The following CHODL variants were observed in gnomAD, a reference collection of about 807,000 sequenced individuals.
CHODL encodes transmembrane protein MT75.
CHODL carries 29 observed loss-of-function variants against 34.5 expected under a neutral mutation model. That is an observed-to-expected ratio of 0.84 (90% CI 0.63 to 1.15). The LOEUF (loss-of-function observed/expected upper bound fraction) is 1.15, where lower values mean the gene tolerates loss of function less well. CHODL is among the 50% of genes most tolerant of loss of function. CHODL has a pLI of 0.00. For synonymous variants in CHODL, 125 were observed against 116.1 expected, an observed-to-expected ratio of 1.08 and a Z score of -0.49; for missense variants, 332 against 332.5, an observed-to-expected ratio of 1.00 and a Z score of 0.01.
At chr21:18,126,453 T>C (rs2065545787) in intron 2 of CHODL, among the ~76,000 whole-genome samples, 2 of 152,242 alleles carry the variant, frequency 1.3e-5, no homozygotes, top group Non-Finnish European at 2.9e-5. Context: ...TTATTACGGT[T>C]GTCTACAACC....
At chr21:18,261,441 G>A (rs189939370) in intron 4 of CHODL, among the ~76,000 whole-genome samples, 1 of 152,152 alleles carries the variant, frequency 6.6e-6, no homozygotes, top group Non-Finnish European at 1.5e-5. Context: ...TGAGGCAGGT[G>A]GGTCACCTGA....
At position 18,250,740 on chromosome 21, in the gene CHODL, G is replaced by A. The variant is rs140234908; in HGVS notation, c.79+5438G>A. ...AACATATTTATCAGTGTGATTGTGA[G>A]GGGGGTAAGAAGAAATTATGAAAAA... On this transcript the variant is annotated intron_variant, in intron 1 of 5. Transcript: ENST00000299295. Among the ~76,000 whole-genome samples, 40 of 151,924 alleles carry A rather than the reference G, an allele frequency of 2.6e-4. 1 individual carries two copies. In the East Asian group the frequency reaches 7.5e-3, roughly 29 times the overall value.
intron 2 of CHODL, among the ~76,000 whole-genome samples, chr21:18,133,738 T>C (rs555709754): frequency 1.3e-5 from 2 of 152,270 alleles, no homozygotes; most frequent in East Asian, 3.9e-4. Flanking sequence ...ACTATATGTA[T>C]AACATATATG....
At chr21:18,015,360 A>C (rs1289165702) in intron 1 of CHODL, among the ~76,000 whole-genome samples, 1 of 152,064 alleles carries the variant, frequency 6.6e-6, no homozygotes, top group Non-Finnish European at 1.5e-5. Context: ...TTTGCCTTCC[A>C]CCATGATCGT....
chr21:17,953,356 A>C (rs889168542), intron 1 of CHODL, among the ~76,000 whole-genome samples: 1 of 152,170 alleles, frequency 6.6e-6, no homozygotes, highest in Non-Finnish European at 1.5e-5. Context: ...AGTCCTAGCT[A>C]TTCAGGAGGC....
At chr21:18,250,358 C>T (rs2074220130) in intron 1 of CHODL, among the ~76,000 whole-genome samples, 2 of 152,020 alleles carry the variant, frequency 1.3e-5, no homozygotes, top group Admixed American at 6.6e-5. Context: ...AGAAAGCTTA[C>T]GCATTTTCCA....
intron 2 of CHODL, among the ~76,000 whole-genome samples, chr21:18,181,645 T>C (rs902348833): frequency 9.2e-5 from 14 of 152,104 alleles, no homozygotes; most frequent in Non-Finnish European, 2.9e-5. Flanking sequence ...CTGCCTTGGC[T>C]TCCCAAAGTG....
intron 2 of CHODL, among the ~76,000 whole-genome samples, chr21:18,233,761 C>T (rs1311475073): frequency 6.6e-6 from 1 of 152,024 alleles, no homozygotes; most frequent in Non-Finnish European, 1.5e-5. Flanking sequence ...CCCTTTTCTT[C>T]TCCTCTAAAG....
intron 2 of CHODL, among the ~76,000 whole-genome samples, chr21:18,045,227 C>A (rs2064427332): frequency 1.3e-5 from 2 of 151,864 alleles, no homozygotes; most frequent in Admixed American, 1.3e-4. Context: ...AGATAAAATA[C>A]CCTGAGTGTG....
At chr21:18,263,453 T>C (rs1184604459) in intron 5 of CHODL, among the ~76,000 whole-genome samples, 1 of 152,170 alleles carries the variant, frequency 6.6e-6, no homozygotes, top group African/African-American at 2.4e-5. Context: ...TAAAATCCTA[T>C]ATTTTACCAG....
intron 2 of CHODL, among the ~76,000 whole-genome samples, chr21:18,076,034 A>G (rs2064861780): frequency 6.6e-6 from 1 of 152,204 alleles, no homozygotes; most frequent in Admixed American, 6.5e-5. Context: ...CAGAACTGAG[A>G]AAGATAAATT....
At chr21:17,967,513 C>G (rs928195918) in intron 1 of CHODL, among the ~76,000 whole-genome samples, 1 of 152,144 alleles carries the variant, frequency 6.6e-6, no homozygotes, top group African/African-American at 2.4e-5. Flanking sequence ...CAAATTGGGA[C>G]TCTAGATTTA....
rs59905100 is a variant in CHODL at position 18,128,154 on chromosome 21, AG to A, written c.-45+100184del. 8.6e-3 allele frequency among the ~76,000 whole-genome samples: 1,300 copies of A among 151,688 alleles called. 65 individuals carry two copies. In the East Asian group the frequency reaches 0.15, roughly 18 times the overall value. On this transcript the variant is annotated intron_variant, in intron 2 of 6. Transcript: ENST00000400127. ...TCTCTACTAAAAATACAAAAAAATT[AG>A]CTGGGCGTGGTGGCGGGCGCCTGTA...
intron 1 of CHODL, among the ~76,000 whole-genome samples, chr21:18,249,980 A>G (rs535690395): frequency 2.7e-4 from 41 of 152,292 alleles, no homozygotes; most frequent in Admixed American, 1.3e-4. Flanking sequence ...AGTCTATAAG[A>G]GGGACCTTTC....
At chr21:18,082,301 C>G (rs904766529) in intron 2 of CHODL, among the ~76,000 whole-genome samples, 1 of 152,164 alleles carries the variant, frequency 6.6e-6, no homozygotes, top group Non-Finnish European at 1.5e-5. Flanking sequence ...GTCATGCTTC[C>G]CATTAAGCCT....
At chr21:18,132,890 T>C (rs1482610325) in intron 2 of CHODL, among the ~76,000 whole-genome samples, 1 of 151,714 alleles carries the variant, frequency 6.6e-6, no homozygotes, top group Non-Finnish European at 1.5e-5. Flanking sequence ...GATAGTAGTA[T>C]GAAAAGAGAT....
At chr21:17,988,653 G>T (rs2063773846) in intron 1 of CHODL, among the ~76,000 whole-genome samples, 1 of 139,154 alleles carries the variant, frequency 7.2e-6, no homozygotes, top group Non-Finnish European at 1.5e-5. Flanking sequence ...GCAGTGTTTG[G>T]TTTTTTGTTC....
At chr21:18,077,157 G>A (rs2064876563) in intron 2 of CHODL, among the ~76,000 whole-genome samples, 1 of 152,140 alleles carries the variant, frequency 6.6e-6, no homozygotes, top group South Asian at 2.1e-4. Context: ...AGGCTTTGGA[G>A]CTACTTGGGA....
rs1229175985 is a variant in CHODL at position 18,245,258 on chromosome 21, C to G, written c.35C>G (p.Ala12Gly). 6.6e-7 allele frequency: 1 copy of G among 1,524,618 alleles called. No individual in the cohort carries two copies. Among genetic ancestry groups the G allele is most frequent in the Non-Finnish European group, 8.8e-7 (1 of 1,142,790 alleles). 94.4% of individuals were successfully genotyped at this position (1,524,618 alleles called of 1,614,324 possible). A position where few individuals can be genotyped will look rare whatever the true frequency, so the allele number is the denominator to read the frequency against. Reference protein sequence around the residue: ...SRVVSLLLGAALLCGHGAFCR... With the variant: ...SRVVSLLLGAGLLCGHGAFCR... ...GTGGTCTCGCTGCTGCTGGGCGCCG[C>G]GCTGCTCTGCGGCCACGGAGCCTTC... Residue 12 changes from alanine (A) to glycine (G), a missense_variant, in exon 1 of 6, where the codon GCG (alanine) becomes GGG (glycine). Ala to Gly is a moderately conservative substitution (Grantham distance 60). Coordinates refer to ENST00000299295, the MANE Select transcript of CHODL (RefSeq NM_024944.3).
Sources: allele counts gnomAD v4.1 joint callset (sites outside exome capture counted in the v4.1 genomes callset), GRCh38; gene constraint gnomAD v4.1.1; transcripts MANE v1.5; gene names NCBI Gene and HGNC (gene_info 2026-07-23, HGNC 2026-07-21).